Variants in LIFR observed in about 807,000 individuals in gnomAD.
The protein encoded by LIFR is LIF receptor subunit alpha.
Under a neutral mutation model 122.2 loss-of-function variants are expected in LIFR, and 84 were observed. That is an observed-to-expected ratio of 0.69 (90% CI 0.58 to 0.82). The LOEUF is 0.82. LIFR is among the 40% of genes least tolerant of loss of function. The pLI is 0.00. For synonymous variants in LIFR, 422 were observed against 434.7 expected (o/e 0.97, Z 0.36); for missense variants, 1,294 against 1,311.6 (o/e 0.99, Z 0.21).
chr5:38,563,660 C>T (rs1748912190), intron 1 of LIFR, among the ~76,000 whole-genome samples: 1 of 152,180 alleles, frequency 6.6e-6, no homozygotes, highest in South Asian at 2.1e-4. Context: ...TTACGGCATG[C>T]CAGGTACTGT....
chr5:38,498,188 G>A (rs750087408), intron 12 of LIFR, among the ~76,000 whole-genome samples: 2 of 152,184 alleles, frequency 1.3e-5, no homozygotes, highest in Non-Finnish European at 2.9e-5. Flanking sequence ...GCAGGCTTTA[G>A]TCCTAAGACT....
intron 1 of LIFR, among the ~76,000 whole-genome samples, chr5:38,531,798 A>G (rs1157750382): frequency 1.3e-5 from 2 of 152,212 alleles, no homozygotes. Context: ...TCTTAGTGAA[A>G]GCAGATGGCA....
Position 38,481,600 on chromosome 5 carries a change from CGTTTG to C in LIFR, c.3284_3288del (p.Pro1095ArgfsTer15), listed in dbSNP as rs972795829. 4 of 1,614,072 alleles carry C rather than the reference CGTTTG, an allele frequency of 2.5e-6. No homozygotes were observed. Among genetic ancestry groups the C allele is most frequent in the African/African-American group, 1.3e-5 (1 of 75,020 alleles). ...GAAGTGACACGGTGACACTGTTAAT[CGTTTG>C]GTTTGTTCTGAAAAAAGTTTGTAAA... On this transcript the variant is annotated frameshift_variant, in exon 20 of 20. Coordinates refer to ENST00000453190, the MANE Select transcript of LIFR (RefSeq NM_001127671.2). LOFTEE classifies it high-confidence loss of function.
In LIFR at chr5:38,537,374, C is replaced by T. The variant is rs147683337; in HGVS notation, c.-19-6708G>A. Reference sequence around the variant, plus strand: ...CTATATTTCCCATTCTTCCATCTTTCGGGACTCACGCTATCATACTTTAGA... The same window carrying T: ...CTATATTTCCCATTCTTCCATCTTTTGGGACTCACGCTATCATACTTTAGA... On this transcript the variant is annotated intron_variant, in intron 1 of 19. Coordinates refer to ENST00000453190, the MANE Select transcript of LIFR (RefSeq NM_001127671.2). 4.2e-3 allele frequency among the ~76,000 whole-genome samples: 635 copies of T among 152,294 alleles called. 6 individuals are homozygous for T. Among genetic ancestry groups the T allele is most frequent in the African/African-American group, 0.014 (586 of 41,566 alleles).
In LIFR at chr5:38,476,820, T is replaced by G. The variant is rs991427128; in HGVS notation, c.*4775A>C. 1 of 212,692 alleles carries G rather than the reference T, an allele frequency of 4.7e-6. No homozygotes were observed. Among genetic ancestry groups the G allele is most frequent in the Non-Finnish European group, 9.5e-6 (1 of 105,208 alleles). 13.2% of individuals were successfully genotyped at this position (212,692 alleles called of 1,614,324 possible). A position where few individuals can be genotyped will look rare whatever the true frequency, so the allele number is the denominator to read the frequency against. ...TTCCCCTTAACACACAACTTTTAAT[T>G]CTCATGAAAATGTTGCACAGTTAGA... is the stretch of plus-strand genomic sequence containing the variant. On this transcript the variant is annotated 3_prime_UTR_variant, in exon 20 of 20. Transcript: ENST00000453190.
chr5:38,552,984 G>A (rs534981064), intron 1 of LIFR, among the ~76,000 whole-genome samples: 1 of 152,294 alleles, frequency 6.6e-6, no homozygotes, highest in South Asian at 2.1e-4. Context: ...CCAGCCTATA[G>A]AGGAACTCCA....
intron 11 of LIFR, among the ~76,000 whole-genome samples, chr5:38,502,155 A>G (rs2112454391): frequency 6.6e-6 from 1 of 152,284 alleles, no homozygotes; most frequent in South Asian, 2.1e-4. Flanking sequence ...CTATACTATG[A>G]CAAAACTTCA....
chr5:38,505,639 A>G (rs549630555), intron 9 of LIFR, among the ~76,000 whole-genome samples: 96 of 152,300 alleles, frequency 6.3e-4, no homozygotes, highest in African/African-American at 2.1e-3. Flanking sequence ...CTTCAAAATA[A>G]AAGTTTTTAA....
intron 1 of LIFR, among the ~76,000 whole-genome samples, chr5:38,539,811 A>G (rs189147144): frequency 6.2e-4 from 95 of 152,276 alleles, no homozygotes; most frequent in East Asian, 3.9e-4. Flanking sequence ...GTAAAATATA[A>G]TTTATACATA....
upstream of LIFR, chr5:38,557,349 G>A (rs1440900689): frequency 6.5e-6 from 1 of 153,138 alleles, no homozygotes. Context: ...CATTTCCGCA[G>A]TTTCACTTGG....
intron 5 of LIFR, among the ~76,000 whole-genome samples, chr5:38,519,076 AAG>A (rs1227496104): frequency 2.6e-5 from 4 of 152,252 alleles, no homozygotes; most frequent in African/African-American, 9.6e-5. Flanking sequence ...GTTAATACAA[AAG>A]AGTCAAAATA....
intron 1 of LIFR, among the ~76,000 whole-genome samples, chr5:38,590,746 C>G (rs1749896704): frequency 6.6e-6 from 1 of 152,096 alleles, no homozygotes; most frequent in South Asian, 2.1e-4. Flanking sequence ...AAGTAGATAC[C>G]ATTATTATCT....
In LIFR at chr5:38,484,843, G is replaced by A. The variant is rs1332514427; in HGVS notation, c.2523C>T (p.Leu841=). 2.5e-6 allele frequency: 4 copies of A among 1,613,064 alleles called. No individual in the cohort carries two copies. The highest frequency in any genetic ancestry group is 2.7e-5 in the African/African-American group (2 of 74,916). ...CAATGACAGCCACTGCCACTGGGATGAGAATGGCAATAATTAATCCCACAG... is the reference window on the plus strand; with the variant it reads ...CAATGACAGCCACTGCCACTGGGATAAGAATGGCAATAATTAATCCCACAG... The part of the protein sequence containing the change: ...ENSVGLIIAI[L]IPVAVAVIVG... The change falls in exon 18 of 20, where the codon CTC becomes CTT. Residue 841 remains leucine (L), a synonymous_variant. Transcript: ENST00000453190.
rs1408060143 is a variant in LIFR at position 38,481,806 on chromosome 5, T to C, written c.3083A>G (p.Tyr1028Cys). 1 of 1,614,068 alleles carries C rather than the reference T, an allele frequency of 6.2e-7. No homozygotes were observed. Among genetic ancestry groups the C allele is most frequent in the Non-Finnish European group, 8.5e-7 (1 of 1,180,030 alleles). ...AEEDLDKTAG[Y>C]RPQANVNTWN... ...TGTATTTACATTGGCCTGAGGTCTG[T>C]AACCCGCAGTTTTATCTAAGTCCTC... Residue 1028 changes from tyrosine to cysteine, a missense_variant, in exon 20 of 20, where the codon TAC (tyrosine) becomes TGC (cysteine). Transcript: ENST00000453190.
chr5:38,579,026 TTAGAAG>T (rs1391509665), intron 1 of LIFR: 3 of 152,232 alleles, frequency 2.0e-5, no homozygotes, highest in African/African-American at 7.2e-5. Flanking sequence ...TTAGAAATAC[TTAGAAG>T]TAGAAGGCAT....
intron 1 of LIFR, among the ~76,000 whole-genome samples, chr5:38,571,846 G>T (rs923355269): frequency 3.9e-5 from 6 of 152,128 alleles, no homozygotes; most frequent in African/African-American, 1.4e-4. Context: ...TCTAAGAGAG[G>T]CCTAAAACAT....
rs766709490 is a variant in LIFR, at chr5:38,481,805, G to C, written c.3084C>G (p.Tyr1028Ter). The change falls in exon 20 of 20, where the codon TAC becomes TAG. Residue 1028 changes from tyrosine (Y) to a stop codon, truncating the protein, a stop_gained. Coordinates refer to ENST00000453190, the MANE Select transcript of LIFR (RefSeq NM_001127671.2). LOFTEE classifies it high-confidence loss of function. ...ATGTATTTACATTGGCCTGAGGTCT[G>C]TAACCCGCAGTTTTATCTAAGTCCT... The part of the protein sequence containing the change: ...AEEDLDKTAG[Y>*]RPQANVNTWN... 1 of 1,614,116 alleles carries C rather than the reference G, an allele frequency of 6.2e-7. No homozygotes were observed. Among genetic ancestry groups the C allele is most frequent in the Admixed American group, 1.7e-5 (1 of 60,012 alleles).
intron 1 of LIFR, among the ~76,000 whole-genome samples, chr5:38,545,337 T>C (rs991779161): frequency 5.3e-5 from 8 of 151,854 alleles, no homozygotes; most frequent in African/African-American, 1.9e-4. Context: ...TTTGGAGATG[T>C]AGACATAAAT....
upstream of LIFR, among the ~76,000 whole-genome samples, chr5:38,560,094 A>G (rs988471591): frequency 1.3e-5 from 2 of 152,012 alleles, no homozygotes; most frequent in African/African-American, 4.8e-5. Context: ...AGGCTTCTCT[A>G]TGTGTGATCT....
Sources: allele counts gnomAD v4.1 joint callset (sites outside exome capture counted in the v4.1 genomes callset), GRCh38; gene constraint gnomAD v4.1.1; transcripts MANE v1.5; gene names NCBI Gene and HGNC (gene_info 2026-07-23, HGNC 2026-07-21).